CSMD2: variants seen among roughly 807,000 people sequenced by gnomAD.
CSMD2 encodes CUB and Sushi multiple domains 2.
CSMD2 carries 130 observed loss-of-function variants against 398.5 expected under a neutral mutation model. The ratio of observed to expected loss-of-function variants is 0.33; its 90% CI spans 0.28 to 0.38. CSMD2 has a LOEUF of 0.38. CSMD2 is among the 10% of genes least tolerant of loss of function. CSMD2 has a pLI of 1.00. For synonymous variants in CSMD2, 1,828 were observed against 1,908.5 expected, an observed-to-expected ratio of 0.96 and a Z score of 1.10; for missense variants, 3,829 against 4,764.9, an observed-to-expected ratio of 0.80 and a Z score of 5.78.
At chr1:34,102,187 C>G (rs911706135) in intron 1 of CSMD2, among the ~76,000 whole-genome samples, 36 of 152,080 alleles carry the variant, frequency 2.4e-4, no homozygotes, top group African/African-American at 8.5e-4. Context: ...CCCGCCACCA[C>G]GCCCGGCTAA....
chr1:33,553,324 A>G (rs375557676), intron 55 of CSMD2, among the ~76,000 whole-genome samples: 277 of 152,292 alleles, frequency 1.8e-3, no homozygotes, highest in African/African-American at 6.2e-3. Context: ...TGTTATGGTG[A>G]TCTGTGATCA....
chr1:33,943,925 TACAC>T (rs57400434), intron 3 of CSMD2, among the ~76,000 whole-genome samples: 41,441 of 144,154 alleles, frequency 0.29, 6,297 homozygotes, highest in African/African-American at 0.41. Context: ...TAATCAGAAT[TACAC>T]ACACACACAC....
At position 33,989,475 on chromosome 1, in the gene CSMD2, T is replaced by A. The variant is rs1013880245; in HGVS notation, c.517+43119A>T. 2.6e-5 allele frequency among the ~76,000 whole-genome samples: 4 copies of A among 152,270 alleles called. No individual in the cohort carries two copies. The East Asian group carries it at 5.8e-4, about 22-fold the overall frequency. ...AACCTAGTAATTTCATTCCTAAGAA[T>A]TTACCCAGAGGAAATGAAACATATA... On this transcript the variant is annotated intron_variant, in intron 3 of 70. Transcript: ENST00000373381.
intron 5 of CSMD2, among the ~76,000 whole-genome samples, chr1:33,856,602 C>T (rs888268869): frequency 6.6e-6 from 1 of 152,134 alleles, no homozygotes; most frequent in Admixed American, 6.5e-5. Flanking sequence ...TGTGTGCCTG[C>T]CACTTAACTG....
intron 9 of CSMD2, among the ~76,000 whole-genome samples, chr1:33,817,531 T>C (rs986513715): frequency 6.6e-6 from 1 of 152,122 alleles, no homozygotes; most frequent in African/African-American, 2.4e-5. Context: ...CCAAACTGTA[T>C]GATTGCAATA....
intron 1 of CSMD2, among the ~76,000 whole-genome samples, chr1:34,103,504 T>C (rs1434110919): frequency 3.3e-5 from 5 of 152,032 alleles, no homozygotes; most frequent in Non-Finnish European, 7.4e-5. Context: ...TTCACCGTGT[T>C]AGCCAGGATG....
At chr1:33,655,201 G>A (rs533918189) in intron 27 of CSMD2, among the ~76,000 whole-genome samples, 2 of 152,310 alleles carry the variant, frequency 1.3e-5, no homozygotes, top group East Asian at 3.9e-4. Flanking sequence ...TGAGAGTTGT[G>A]GAAAGGGCAT....
intron 5 of CSMD2, among the ~76,000 whole-genome samples, chr1:33,854,461 C>G (rs72881500): frequency 0.022 from 3,282 of 152,296 alleles, 114 homozygotes; most frequent in African/African-American, 0.075. Flanking sequence ...GGAGGGAGGG[C>G]CTCCAGTGCC....
intron 12 of CSMD2, among the ~76,000 whole-genome samples, chr1:33,781,983 A>G (rs1652830529): frequency 6.6e-6 from 1 of 151,990 alleles, no homozygotes; most frequent in African/African-American, 2.4e-5. Flanking sequence ...CATGCTTTCA[A>G]TGAGGAAGAA....
intron 5 of CSMD2, among the ~76,000 whole-genome samples, chr1:33,882,410 C>G (rs1641298127): frequency 6.6e-6 from 1 of 152,216 alleles, no homozygotes; most frequent in Admixed American, 6.5e-5. Flanking sequence ...TTCATACTTT[C>G]TCTAAAGCTG....
At chr1:33,765,663 A>C (rs1650397294) in intron 13 of CSMD2, among the ~76,000 whole-genome samples, 1 of 152,258 alleles carries the variant, frequency 6.6e-6, no homozygotes, top group Non-Finnish European at 1.5e-5. Context: ...AGCTTTGAAA[A>C]TAAATCACAA....
intron 4 of CSMD2, 139 bp downstream of exon 4, chr1:33,935,621 C>G: frequency 1.2e-6 from 1 of 849,822 alleles, no homozygotes; most frequent in South Asian, 1.9e-5. Flanking sequence ...CCCTGAAAAC[C>G]CTCTGTGCTG....
intron 39 of CSMD2, among the ~76,000 whole-genome samples, chr1:33,616,040 C>T (rs1309130030): frequency 6.6e-6 from 1 of 152,212 alleles, no homozygotes; most frequent in Non-Finnish European, 1.5e-5. Flanking sequence ...AAATATGAAG[C>T]TCCATGCCTA....
intron 3 of CSMD2, among the ~76,000 whole-genome samples, chr1:34,024,545 A>G (rs1649372041): frequency 6.6e-6 from 1 of 152,202 alleles, no homozygotes; most frequent in African/African-American, 2.4e-5. Context: ...GTGCTGCCCA[A>G]TTTGTCTCAA....
At chr1:33,936,979 G>T (rs947639345) in intron 3 of CSMD2, among the ~76,000 whole-genome samples, 2 of 152,310 alleles carry the variant, frequency 1.3e-5, no homozygotes, top group African/African-American at 4.8e-5. Flanking sequence ...AAGCCACCGT[G>T]CTTGAGTTCA....
intron 44 of CSMD2, among the ~76,000 whole-genome samples, chr1:33,589,001 T>C (rs1221373606): frequency 3.9e-5 from 6 of 152,212 alleles, no homozygotes; most frequent in Admixed American, 6.5e-5. Context: ...TCCCTGCATA[T>C]AGATTTATTG....
chr1:33,632,603 C>T (rs1642528880), intron 32 of CSMD2, among the ~76,000 whole-genome samples: 1 of 151,914 alleles, frequency 6.6e-6, no homozygotes, highest in African/African-American at 2.4e-5. Flanking sequence ...TTTTTAATTA[C>T]CTGGTTTTTG....
intron 11 of CSMD2, among the ~76,000 whole-genome samples, chr1:33,791,935 T>A (rs565139204): frequency 6.6e-6 from 1 of 152,350 alleles, no homozygotes; most frequent in South Asian, 2.1e-4. Flanking sequence ...TGGTCTTTTT[T>A]GGCTCAGGAA....
chr1:33,726,636 C>A lies in CSMD2; in HGVS notation c.2418G>T (p.Pro806=). ...LTSPSGTILS[P]GWPGFYKDAL... ...CATCCTTGTAGAAGCCAGGCCAGCC[C>A]GGAGAGAGGATGGTGCCGCTGGGCG... The change falls in exon 16 of 71, where the codon CCG becomes CCT. Residue 806 remains proline (P), a synonymous_variant. Coordinates refer to ENST00000373381, the MANE Select transcript of CSMD2 (RefSeq NM_001281956.2). The A allele has an allele frequency of 6.2e-7, 1 of 1,613,398 alleles. No homozygotes were observed. The highest frequency in any genetic ancestry group is 8.5e-7 in the Non-Finnish European group (1 of 1,179,932).
Sources: allele counts gnomAD v4.1 joint callset (sites outside exome capture counted in the v4.1 genomes callset), GRCh38; gene constraint gnomAD v4.1.1; transcripts MANE v1.5; gene names NCBI Gene and HGNC (gene_info 2026-07-23, HGNC 2026-07-21).